PUDP: variants seen among roughly 807,000 people sequenced by gnomAD.
The protein encoded by PUDP is pseudouridine-5'-phosphatase.
PUDP carries 8 observed loss-of-function variants against 9.4 expected under a neutral mutation model. The ratio of observed to expected loss-of-function variants is 0.85; its 90% CI spans 0.50 to 1.53. The LOEUF (loss-of-function observed/expected upper bound fraction) is 1.53, where lower values mean the gene tolerates loss of function less well. Among genes scored for constraint, PUDP ranks in the 40% most tolerant of loss-of-function variants. PUDP has a pLI of 0.00. For missense variants in PUDP, 188 were observed against 189.7 expected (o/e 0.99, Z 0.05); for synonymous variants, 99 against 80.7 (o/e 1.23, Z -1.22).
chrX:7,016,175 TA>T (rs1214403895), intron 1 of PUDP, among the ~76,000 whole-genome samples: 6 of 104,829 alleles, frequency 5.7e-5, no homozygotes, highest in South Asian at 4.4e-4. Context: ...TGCAAAAAAT[TA>T]AAAAAAAAAT....
chrX:7,083,475 TA>T (rs1931167553), intron 2 of PUDP, among the ~76,000 whole-genome samples: 1 of 111,080 alleles, frequency 9.0e-6, no homozygotes, highest in Non-Finnish European at 1.9e-5. Flanking sequence ...ATATGAGGAT[TA>T]AAATAAATCA....
At chrX:7,077,474 A>C in intron 2 of PUDP, 25 bp from the exon 3 acceptor site, 4 of 1,144,287 alleles carry the variant, frequency 3.5e-6, no homozygotes, top group Non-Finnish European at 4.8e-6. Flanking sequence ...GGAAGGACTG[A>C]GGTGAGGGGC....
chrX:6,991,727 CCTG>C (rs1220855265), intron 1 of PUDP, among the ~76,000 whole-genome samples: 2 of 107,132 alleles, frequency 1.9e-5, no homozygotes, highest in Admixed American at 9.9e-5. Context: ...CTTAAGATAA[CCTG>C]CTAAGTCCCA....
chrX:7,003,352 C>T (rs1177681350), intron 1 of PUDP, among the ~76,000 whole-genome samples: 2 of 110,853 alleles, frequency 1.8e-5, no homozygotes, highest in Non-Finnish European at 3.8e-5. Flanking sequence ...GGCGGCACAC[C>T]GGGGCTGTAG....
At chrX:6,860,755 A>G (rs1429308881) in intron 3 of PUDP, among the ~76,000 whole-genome samples, 2 of 112,271 alleles carry the variant, frequency 1.8e-5, no homozygotes, top group African/African-American at 3.2e-5. Flanking sequence ...TACAGGCGTG[A>G]GCCACTGCGC....
chrX:6,984,320 A>G (rs1929076556), intron 1 of PUDP, among the ~76,000 whole-genome samples: 1 of 112,132 alleles, frequency 8.9e-6, no homozygotes, highest in Non-Finnish European at 1.9e-5. Flanking sequence ...AAAGTGATCT[A>G]AAATACACTG....
chrX:6,946,340 C>T (rs962050166), intron 3 of PUDP, among the ~76,000 whole-genome samples: 13 of 111,563 alleles, frequency 1.2e-4, no homozygotes, highest in Non-Finnish European at 7.5e-5. Context: ...TTATTGAATA[C>T]GTATATTCAA....
intron 1 of PUDP, among the ~76,000 whole-genome samples, chrX:7,020,250 CT>C (rs1173360258): frequency 1.8e-5 from 2 of 110,484 alleles, no homozygotes; most frequent in Non-Finnish European, 3.8e-5. Context: ...ATAAGGCTTT[CT>C]TTAAAGGGGC....
In PUDP at chrX:6,919,186, T is replaced by G. The variant is rs754142398; in HGVS notation, c.*247+57947A>C. Among the ~76,000 whole-genome samples the G allele has an allele frequency of 5.3e-5, 6 of 112,250 alleles. No individual in the cohort carries two copies. The South Asian group carries it at 2.2e-3, about 42-fold the overall frequency. Reference sequence around the variant, plus strand: ...CTCCCAAATACAGTCTTCAAAGAGTTTGAAATATTTATCATATACATTGTA... The same window carrying G: ...CTCCCAAATACAGTCTTCAAAGAGTGTGAAATATTTATCATATACATTGTA... On this transcript the variant is annotated intron_variant and NMD_transcript_variant, in intron 3 of 3. Coordinates refer to the PUDP transcript ENST00000655425.
rs181188697 is a variant in PUDP at position 6,917,321 on chromosome X, C to T, written c.*247+59812G>A. ...GGTCGAAAGTACAGTGAGCCATGAT[C>T]GCACAACTGCACTCCAGCCTAGGCA... On this transcript the variant is annotated intron_variant and NMD_transcript_variant, in intron 3 of 3. Coordinates refer to the PUDP transcript ENST00000655425. 2.8e-4 allele frequency among the ~76,000 whole-genome samples: 31 copies of T among 109,389 alleles called. No homozygotes were observed. In the East Asian group the frequency reaches 6.6e-3, roughly 23 times the overall value. 95.0% of individuals were successfully genotyped at this position (109,389 alleles called of 115,157 possible). A position where few individuals can be genotyped will look rare whatever the true frequency, so the allele number is the denominator to read the frequency against.
chrX:7,089,737 T>C (rs1931368564), intron 2 of PUDP, among the ~76,000 whole-genome samples: 1 of 111,870 alleles, frequency 8.9e-6, no homozygotes, highest in Admixed American at 9.5e-5. Context: ...TCACGCACTG[T>C]TTACAGCTAC....
At chrX:6,776,840 T>G (rs1925472765) in intron 3 of PUDP, among the ~76,000 whole-genome samples, 1 of 112,542 alleles carries the variant, frequency 8.9e-6, no homozygotes, top group Admixed American at 9.5e-5. Context: ...CCATTTGATT[T>G]TTCCCATTTT....
At chrX:7,080,043 G>A (rs1482648591) in intron 2 of PUDP, among the ~76,000 whole-genome samples, 1 of 111,911 alleles carries the variant, frequency 8.9e-6, no homozygotes, top group Non-Finnish European at 1.9e-5. Flanking sequence ...TCAAAAGCGA[G>A]TTGTTTGAGA....
At chrX:7,106,692 A>G (rs765034864) in intron 1 of PUDP, among the ~76,000 whole-genome samples, 1 of 111,800 alleles carries the variant, frequency 8.9e-6, no homozygotes, top group South Asian at 3.8e-4. Context: ...TACAGAATGA[A>G]TATTTCAGGG....
At chrX:6,763,384 C>CA (rs966133642) in intron 3 of PUDP, among the ~76,000 whole-genome samples, 17 of 109,624 alleles carry the variant, frequency 1.6e-4, no homozygotes, top group African/African-American at 4.0e-4. Context: ...GTGAGACTGT[C>CA]AAAAAAAAAT....
At chrX:6,794,451 G>C (rs904761476) in intron 3 of PUDP, among the ~76,000 whole-genome samples, 3 of 112,233 alleles carry the variant, frequency 2.7e-5, no homozygotes, top group Admixed American at 9.4e-5. Context: ...TTCTGGGTGA[G>C]TCAGTGAGTA....
At chrX:6,939,390 A>C (rs1385317725) in intron 3 of PUDP, among the ~76,000 whole-genome samples, 1 of 107,030 alleles carries the variant, frequency 9.3e-6, no homozygotes, top group East Asian at 2.8e-4. Context: ...AATATATATT[A>C]TTAATATTAT....
chrX:7,012,050 CATTT>C (rs757118565), intron 1 of PUDP, among the ~76,000 whole-genome samples: 12 of 112,429 alleles, frequency 1.1e-4, no homozygotes, highest in African/African-American at 2.9e-4. Context: ...CACATCAAAG[CATTT>C]ATTTATTTCA....
intron 3 of PUDP, among the ~76,000 whole-genome samples, chrX:6,867,808 G>A (rs781323162): frequency 9.0e-6 from 1 of 111,522 alleles, no homozygotes; most frequent in East Asian, 2.8e-4. Context: ...AATGCATTTG[G>A]CTTATGGTTC....
Sources: gnomAD v4.1 joint callset for allele counts (sites outside exome capture counted in the v4.1 genomes callset) on GRCh38, gnomAD v4.1.1 for gene constraint, MANE v1.5 for transcripts, NCBI Gene and HGNC (gene_info 2026-07-23, HGNC 2026-07-21) for gene names.